The following RFX4 variants were observed in gnomAD, a reference collection of about 807,000 sequenced individuals.
RFX4 encodes transcription factor RFX4.
A neutral mutation model predicts 95.0 loss-of-function variants in RFX4; 10 were observed. The ratio of observed to expected loss-of-function variants is 0.11; its 90% CI spans 0.06 to 0.18. The LOEUF (loss-of-function observed/expected upper bound fraction) is 0.18, where lower values mean the gene tolerates loss of function less well. RFX4 is among the 10% of genes least tolerant of loss of function. The pLI is 1.00. For synonymous variants in RFX4, 321 were observed against 340.7 expected (o/e 0.94, Z 0.64); for missense variants, 640 against 922.0 (o/e 0.69, Z 3.96).
At chr12:106,598,629 A>G (rs1439540185) in intron 1 of RFX4, among the ~76,000 whole-genome samples, 1 of 152,224 alleles carries the variant, frequency 6.6e-6, no homozygotes, top group Non-Finnish European at 1.5e-5. Flanking sequence ...GGCTTACCTC[A>G]AAAGTTCAGG....
At chr12:106,694,884 A>G (rs904848358) in intron 7 of RFX4, among the ~76,000 whole-genome samples, 1 of 152,024 alleles carries the variant, frequency 6.6e-6, no homozygotes, top group African/African-American at 2.4e-5. Flanking sequence ...AAAAAATACA[A>G]ATATTCGCCA....
At chr12:106,734,571 G>T (rs1268581094) in intron 15 of RFX4, among the ~76,000 whole-genome samples, 1 of 151,018 alleles carries the variant, frequency 6.6e-6, no homozygotes, top group African/African-American at 2.4e-5. Context: ...ACTCCAGCCT[G>T]GGCATCAGAG....
intron 11 of RFX4, among the ~76,000 whole-genome samples, 190 bp downstream of exon 11, chr12:106,715,734 T>C (rs2042276465): frequency 6.6e-6 from 1 of 152,202 alleles, no homozygotes; most frequent in Non-Finnish European, 1.5e-5. Context: ...AGGACATGTG[T>C]CAACACTGCT....
intron 15 of RFX4, among the ~76,000 whole-genome samples, chr12:106,740,336 A>C (rs1033055840): frequency 6.6e-6 from 1 of 152,198 alleles, no homozygotes; most frequent in Non-Finnish European, 1.5e-5. Flanking sequence ...GTGGGATAGG[A>C]TGGACACTTC....
rs116248312 is a variant in RFX4 at position 106,588,736 on chromosome 12, C to T, written c.43+5373C>T. Among the ~76,000 whole-genome samples the T allele has an allele frequency of 3.9e-3, 592 of 152,248 alleles. 4 individuals are homozygous for T. The highest frequency in any genetic ancestry group is 0.014 in the African/African-American group (570 of 41,544). On this transcript the variant is annotated intron_variant, in intron 1 of 17. Transcript: ENST00000392842. ...CCTCTCAATTATATGCCTGTGTCCG[C>T]GTTTGTGTTCTGACATCTATGTCAA...
chr12:106,611,743 C>A (rs1380042930), intron 2 of RFX4, among the ~76,000 whole-genome samples: 1 of 152,116 alleles, frequency 6.6e-6, no homozygotes, highest in Non-Finnish European at 1.5e-5. Context: ...AAACTCCTGA[C>A]CTCGTGATCT....
At chr12:106,722,632 A>G (rs1292280211) in intron 13 of RFX4, among the ~76,000 whole-genome samples, 4 of 152,206 alleles carry the variant, frequency 2.6e-5, no homozygotes, top group Admixed American at 2.0e-4. Flanking sequence ...ATCACTTAGA[A>G]AAGGAGAAAA....
At chr12:106,715,646 A>C in intron 11 of RFX4, 102 bp downstream of exon 11, 1 of 1,319,650 alleles carries the variant, frequency 7.6e-7, no homozygotes, top group Non-Finnish European at 1.1e-6. Context: ...TGTTCTTCCC[A>C]GCATCTCTTC....
intron 7 of RFX4, 142 bp downstream of exon 7, chr12:106,689,506 T>A: frequency 1.5e-6 from 1 of 683,958 alleles, no homozygotes; most frequent in South Asian, 1.7e-5. Context: ...TTCATCCTCA[T>A]GAGATCCCAT....
At chr12:106,701,046 CT>C (rs1307888195) in intron 8 of RFX4, among the ~76,000 whole-genome samples, 6 of 152,140 alleles carry the variant, frequency 3.9e-5, no homozygotes, top group Non-Finnish European at 7.4e-5. Context: ...GCAAAATTTT[CT>C]TTAATGTTTC....
At chr12:106,601,205 C>G in intron 1 of RFX4, 2 of 1,540,868 alleles carry the variant, frequency 1.3e-6, no homozygotes, top group South Asian at 2.4e-5. Context: ...TCCTGGGCTT[C>G]TCCAAACTCC....
chr12:106,656,773 A>G (rs868614467), intron 4 of RFX4, among the ~76,000 whole-genome samples: 1 of 152,000 alleles, frequency 6.6e-6, no homozygotes, highest in South Asian at 2.1e-4. Flanking sequence ...GCTGACATCT[A>G]TGCCCATAGA....
chr12:106,693,745 A>G (rs1471380862), intron 7 of RFX4, among the ~76,000 whole-genome samples: 2 of 152,192 alleles, frequency 1.3e-5, no homozygotes, highest in Non-Finnish European at 2.9e-5. Flanking sequence ...TTGATAGGTG[A>G]GCGGAGCCAC....
intron 17 of RFX4, among the ~76,000 whole-genome samples, chr12:106,752,070 G>T (rs61943295): frequency 0.021 from 2,523 of 117,832 alleles, no homozygotes; most frequent in African/African-American, 0.043. Flanking sequence ...TATGGTTTTA[G>T]GTCTAACGTT....
intron 16 of RFX4, among the ~76,000 whole-genome samples, chr12:106,749,216 A>G (rs1242254912): frequency 2.0e-5 from 3 of 150,226 alleles, no homozygotes; most frequent in Non-Finnish European, 3.0e-5. Flanking sequence ...AGATCGCGCC[A>G]CTGCATTCCA....
chr12:106,747,289 GC>G, intron 15 of RFX4, 147 bp from the exon 16 acceptor site: 2 of 721,630 alleles, frequency 2.8e-6, no homozygotes, highest in Non-Finnish European at 4.5e-6. Flanking sequence ...GATGGGGGAT[GC>G]CTCTGGTGAG....
chr12:106,714,465 TACA>T (rs1250875385), intron 10 of RFX4, among the ~76,000 whole-genome samples: 1 of 152,254 alleles, frequency 6.6e-6, no homozygotes, highest in African/African-American at 2.4e-5. Flanking sequence ...ATGGTCTGGG[TACA>T]ACAAGGGTTT....
chr12:106,718,988 G>A (rs1270038947), intron 11 of RFX4, among the ~76,000 whole-genome samples: 1 of 151,960 alleles, frequency 6.6e-6, no homozygotes, highest in Non-Finnish European at 1.5e-5. Context: ...CGGGTGTGGT[G>A]GCGGGCACCT....
intron 3 of RFX4, among the ~76,000 whole-genome samples, chr12:106,648,737 A>G (rs959532670): frequency 6.6e-6 from 1 of 151,934 alleles, no homozygotes. Context: ...ACCTTTCCTA[A>G]GAATACATCG....
Sources: gnomAD v4.1 joint callset for allele counts (sites outside exome capture counted in the v4.1 genomes callset) on GRCh38, gnomAD v4.1.1 for gene constraint, MANE v1.5 for transcripts, NCBI Gene and HGNC (gene_info 2026-07-23, HGNC 2026-07-21) for gene names.